COLEC11: variants seen among roughly 807,000 people sequenced by gnomAD.
The protein encoded by COLEC11 is collectin subfamily member 11.
Under a neutral mutation model 27.3 loss-of-function variants are expected in COLEC11, and 20 were observed. That is an observed-to-expected ratio of 0.73 (90% CI 0.51 to 1.06). COLEC11 has a LOEUF of 1.06. Among genes scored for constraint, COLEC11 ranks in the 50% least tolerant of loss-of-function variants. The pLI is 0.00. For synonymous variants in COLEC11, 163 were observed against 154.7 expected, an observed-to-expected ratio of 1.05 and a Z score of -0.40; for missense variants, 310 against 383.0, an observed-to-expected ratio of 0.81 and a Z score of 1.59.
intron 5 of COLEC11, among the ~76,000 whole-genome samples, chr2:3,642,674 CT>C (rs1377602373): frequency 2.0e-5 from 3 of 152,262 alleles, no homozygotes; most frequent in Non-Finnish European, 4.4e-5. Flanking sequence ...CTCCACATTC[CT>C]GCCGCATCAT....
chr2:3,620,470 T>G (rs1484150128), intron 3 of COLEC11, among the ~76,000 whole-genome samples: 1 of 152,138 alleles, frequency 6.6e-6, no homozygotes. Flanking sequence ...TTCGTCAATT[T>G]TTTTTTTTGC....
At chr2:3,612,187 CAT>C (rs1356030347) in intron 2 of COLEC11, among the ~76,000 whole-genome samples, 4 of 152,108 alleles carry the variant, frequency 2.6e-5, no homozygotes, top group Non-Finnish European at 5.9e-5. Context: ...CACGCGCACA[CAT>C]ACACGTGCAC....
chr2:3,640,395 A>T (rs1317404422), intron 5 of COLEC11, 64 bp downstream of exon 5: 6 of 908,838 alleles, frequency 6.6e-6, no homozygotes, highest in Non-Finnish European at 9.0e-6. Flanking sequence ...TTTGAAAACA[A>T]TGTAGATCTA....
chr2:3,643,559 G>T lies in COLEC11; in HGVS notation c.424+20G>T. Reference sequence around the variant, plus strand: ...AGAATGGTATGTGGCTCCCGGCGCCGCCCTCGCTCCCTCCCACCTCCCAGC... The same window carrying T: ...AGAATGGTATGTGGCTCCCGGCGCCTCCCTCGCTCCCTCCCACCTCCCAGC... On this transcript the variant is annotated intron_variant, in intron 6 of 6. Coordinates refer to ENST00000349077, the MANE Select transcript of COLEC11 (RefSeq NM_024027.5). The T allele has an allele frequency of 6.2e-7, 1 of 1,608,030 alleles. No homozygotes were observed. The highest frequency in any genetic ancestry group is 8.5e-7 in the Non-Finnish European group (1 of 1,174,950).
chr2:3,612,041 G>A (rs571006454), intron 2 of COLEC11, among the ~76,000 whole-genome samples: 70 of 151,440 alleles, frequency 4.6e-4, no homozygotes, highest in Admixed American at 4.3e-3. Context: ...TCGTGCCCTC[G>A]GTCTCTTGCC....
chr2:3,604,767 T>A (rs995960494), intron 2 of COLEC11, among the ~76,000 whole-genome samples: 9 of 152,170 alleles, frequency 5.9e-5, no homozygotes, highest in Non-Finnish European at 1.3e-4. Flanking sequence ...CATGGCCTCG[T>A]GTGATCCTCC....
chr2:3,635,987 A>C (rs982830796), intron 3 of COLEC11, among the ~76,000 whole-genome samples: 9 of 152,266 alleles, frequency 5.9e-5, no homozygotes, highest in Non-Finnish European at 1.2e-4. Context: ...TCATTTTAGC[A>C]AAGCTCACTG....
At chr2:3,607,910 G>A (rs1451510671) in intron 2 of COLEC11, among the ~76,000 whole-genome samples, 2 of 152,232 alleles carry the variant, frequency 1.3e-5, no homozygotes, top group African/African-American at 4.8e-5. Flanking sequence ...CAGGCAGGCT[G>A]AGGTCCTGGC....
chr2:3,636,252 C>G (rs138655763), intron 3 of COLEC11, among the ~76,000 whole-genome samples: 1 of 152,146 alleles, frequency 6.6e-6, no homozygotes, highest in Non-Finnish European at 1.5e-5. Flanking sequence ...GTCAGGAGAT[C>G]GAGACCATCC....
chr2:3,617,864 G>T, intron 3 of COLEC11: 1 of 572,150 alleles, frequency 1.7e-6, no homozygotes. Flanking sequence ...AATCTCTTTT[G>T]ACTTTTTGAT....
chr2:3,626,931 C>G (rs937551082), intron 3 of COLEC11, among the ~76,000 whole-genome samples: 2 of 152,120 alleles, frequency 1.3e-5, no homozygotes, highest in Non-Finnish European at 2.9e-5. Context: ...CGCCACCACC[C>G]TCCACACCCT....
chr2:3,616,060 A>T (rs1392511923), intron 3 of COLEC11, among the ~76,000 whole-genome samples: 1 of 137,436 alleles, frequency 7.3e-6, no homozygotes, highest in Non-Finnish European at 1.6e-5. Flanking sequence ...CCGGGCAGAG[A>T]CGCTCCTCAC....
chr2:3,636,513 C>T (rs1665427999), intron 3 of COLEC11, among the ~76,000 whole-genome samples: 1 of 152,212 alleles, frequency 6.6e-6, no homozygotes, highest in South Asian at 2.1e-4. Flanking sequence ...CATTGAATTT[C>T]CCGCATTGAA....
At chr2:3,605,035 G>A (rs1296282185) in intron 2 of COLEC11, 7 of 470,842 alleles carry the variant, frequency 1.5e-5, no homozygotes, top group Non-Finnish European at 3.1e-5. Flanking sequence ...TGAGGCATGG[G>A]TGAGAAAGTC....
chr2:3,631,845 C>T (rs1665027915), intron 3 of COLEC11, among the ~76,000 whole-genome samples: 1 of 152,174 alleles, frequency 6.6e-6, no homozygotes, highest in Non-Finnish European at 1.5e-5. Context: ...CACTGCTTGT[C>T]CTCCCACAGG....
intron 5 of COLEC11, among the ~76,000 whole-genome samples, chr2:3,642,469 G>A (rs1203575288): frequency 1.3e-5 from 2 of 152,172 alleles, no homozygotes; most frequent in African/African-American, 4.8e-5. Context: ...GGCCACTTGT[G>A]TTGCTCACTC....
intron 3 of COLEC11, among the ~76,000 whole-genome samples, chr2:3,624,775 TG>T (rs1163741663): frequency 6.6e-6 from 1 of 152,218 alleles, no homozygotes; most frequent in Non-Finnish European, 1.5e-5. Flanking sequence ...CTTTTGTTCA[TG>T]GGGAGTTGTC....
At chr2:3,613,215 C>A in intron 2 of COLEC11, 96 bp from the exon 3 acceptor site, 1 of 1,359,308 alleles carries the variant, frequency 7.4e-7, no homozygotes, top group Admixed American at 2.0e-5. Context: ...TGCAGGGACC[C>A]GGGGAGAACG....
chr2:3,627,306 G>A (rs1664624974), intron 3 of COLEC11, among the ~76,000 whole-genome samples: 1 of 142,762 alleles, frequency 7.0e-6, no homozygotes, highest in Admixed American at 6.9e-5. Context: ...GCACGATGAT[G>A]GGGGGCATGA....
Sources: gnomAD v4.1 joint callset for allele counts (sites outside exome capture counted in the v4.1 genomes callset) on GRCh38, gnomAD v4.1.1 for gene constraint, MANE v1.5 for transcripts, NCBI Gene and HGNC (gene_info 2026-07-23, HGNC 2026-07-21) for gene names.